Variants in BCO1 observed in about 807,000 individuals in gnomAD.
BCO1 encodes the protein beta,beta-carotene 15,15'-dioxygenase.
In BCO1, 54 loss-of-function variants were observed where a neutral mutation model predicts 56.3. The observed-to-expected ratio is 0.96, with a 90% CI of 0.77 to 1.20. The LOEUF is 1.20. Ranked by LOEUF, BCO1 falls within the 50% of genes most tolerant of loss-of-function variation. BCO1 has a pLI of 0.00. For synonymous variants in BCO1, 318 were observed against 266.1 expected (o/e 1.20, Z -1.90); for missense variants, 801 against 690.9 (o/e 1.16, Z -1.79).
At position 81,249,092 on chromosome 16, in the gene BCO1, C is replaced by CTTTT. The variant is rs546566864; in HGVS notation, c.193+3502_193+3505dup. On this transcript the variant is annotated intron_variant, in intron 2 of 10. Coordinates refer to ENST00000258168, the MANE Select transcript of BCO1 (RefSeq NM_017429.3). ...CAGCTCCTCCATGGTCTCTTTCTTT[C>CTTTT]TTTTTTTTTTTTTTTTGAGATGGAG... Among the ~76,000 whole-genome samples, 930 of 133,416 alleles carry CTTTT rather than the reference C, an allele frequency of 7.0e-3. 17 individuals are homozygous for CTTTT. The highest frequency in any genetic ancestry group is 0.017 in the Middle Eastern group (4 of 240). 87.5% of individuals were successfully genotyped at this position (133,416 alleles called of 152,430 possible).
chr16:81,242,766 C>G (rs1040464588), intron 1 of BCO1, among the ~76,000 whole-genome samples: 1 of 152,100 alleles, frequency 6.6e-6, no homozygotes, highest in African/African-American at 2.4e-5. Context: ...TGGACCAGTA[C>G]CAGTCTGTAG....
intron 8 of BCO1, among the ~76,000 whole-genome samples, chr16:81,282,449 A>C (rs1907936660): frequency 6.6e-6 from 1 of 152,176 alleles, no homozygotes. Context: ...GCCCCATGCC[A>C]GGAGGTTTGG....
At chr16:81,268,461 C>T (rs1428300511) in intron 6 of BCO1, among the ~76,000 whole-genome samples, 2 of 152,188 alleles carry the variant, frequency 1.3e-5, no homozygotes, top group African/African-American at 4.8e-5. Flanking sequence ...TGGGCTCCTC[C>T]CCACCTCCGC....
intron 1 of BCO1, among the ~76,000 whole-genome samples, chr16:81,243,909 G>C (rs1256540439): frequency 1.3e-5 from 2 of 152,212 alleles, no homozygotes; most frequent in Admixed American, 1.3e-4. Context: ...GGGCATTGTC[G>C]AGCCATTGGC....
intron 7 of BCO1, among the ~76,000 whole-genome samples, chr16:81,277,065 CAAAAAAA>C (rs34671497): frequency 1.0e-5 from 1 of 95,376 alleles, no homozygotes; most frequent in Non-Finnish European, 2.1e-5. Flanking sequence ...GACTCGGTCT[CAAAAAAA>C]AAAAAAAAAA....
At chr16:81,258,654 C>T (rs1444619960) in intron 2 of BCO1, among the ~76,000 whole-genome samples, 1 of 152,144 alleles carries the variant, frequency 6.6e-6, no homozygotes, top group African/African-American at 2.4e-5. Context: ...TGACCCTGGG[C>T]AAGGTGAAAG....
At chr16:81,272,270 C>T (rs922546352) in intron 7 of BCO1, among the ~76,000 whole-genome samples, 7 of 151,694 alleles carry the variant, frequency 4.6e-5, no homozygotes, top group South Asian at 2.1e-4. Flanking sequence ...CCTGCCACCA[C>T]GCCTGGCTAA....
Position 81,245,557 on chromosome 16 carries a change from T to C in BCO1, c.147T>C (p.His49=). ...CAGTTGGGGAGTCCAGATACAACCA[T>C]TGGTTCGACGGCCTTGCCCTGCTCC... is the stretch of plus-strand genomic sequence containing the variant. ...MHTVGESRYN[H]WFDGLALLHS... is the part of the protein sequence containing the mutation. The change falls in exon 2 of 11, where the codon CAT becomes CAC. Residue 49 remains histidine (H), a synonymous_variant. Coordinates refer to ENST00000258168, the MANE Select transcript of BCO1 (RefSeq NM_017429.3). 1.9e-6 allele frequency: 3 copies of C among 1,614,188 alleles called. No individual in the cohort carries two copies. The highest frequency in any genetic ancestry group is 1.1e-5 in the South Asian group (1 of 91,082).
At chr16:81,289,371 G>A (rs758419326) in intron 10 of BCO1, among the ~76,000 whole-genome samples, 4 of 152,140 alleles carry the variant, frequency 2.6e-5, no homozygotes, top group African/African-American at 4.8e-5. Flanking sequence ...AGCCAGGTGC[G>A]GTGGTTCATG....
At chr16:81,272,650 GACTT>G (rs1165612287) in intron 7 of BCO1, among the ~76,000 whole-genome samples, 2 of 152,202 alleles carry the variant, frequency 1.3e-5, no homozygotes, top group Non-Finnish European at 2.9e-5. Context: ...TACTTACAGA[GACTT>G]ACAAAGGCTT....
chr16:81,278,713 GC>G (rs1907697532), intron 7 of BCO1, among the ~76,000 whole-genome samples: 1 of 152,114 alleles, frequency 6.6e-6, no homozygotes, highest in Non-Finnish European at 1.5e-5. Context: ...CAGCCTCAGG[GC>G]CTTTGCACTG....
chr16:81,246,749 G>T (rs758112900), intron 2 of BCO1, among the ~76,000 whole-genome samples: 2 of 151,464 alleles, frequency 1.3e-5, no homozygotes, highest in East Asian at 1.9e-4. Flanking sequence ...TACTAGGGAG[G>T]CTGAGGCACG....
At chr16:81,267,883 T>C in intron 5 of BCO1, 25 bp from the exon 6 acceptor site, 1 of 1,608,470 alleles carries the variant, frequency 6.2e-7, no homozygotes, top group South Asian at 1.1e-5. Flanking sequence ...GCACAATTCC[T>C]GAGGCTTGCT....
chr16:81,274,079 C>T (rs529774317), intron 7 of BCO1, among the ~76,000 whole-genome samples: 1 of 152,250 alleles, frequency 6.6e-6, no homozygotes, highest in South Asian at 2.1e-4. Context: ...CCAGGAAGTA[C>T]TGAGGAGTAA....
chr16:81,239,891 A>G (rs983782577), intron 1 of BCO1, among the ~76,000 whole-genome samples: 2 of 152,252 alleles, frequency 1.3e-5, no homozygotes, highest in Non-Finnish European at 2.9e-5. Flanking sequence ...CCGGGTCCCC[A>G]GAGTGGTGCT....
intron 1 of BCO1, among the ~76,000 whole-genome samples, chr16:81,243,264 T>C (rs1291034646): frequency 6.6e-6 from 1 of 152,168 alleles, no homozygotes; most frequent in Non-Finnish European, 1.5e-5. Flanking sequence ...AAATATCTGG[T>C]CCTGTCCTTC....
chr16:81,258,893 C>T (rs887916733), intron 2 of BCO1, among the ~76,000 whole-genome samples: 3 of 152,056 alleles, frequency 2.0e-5, no homozygotes, highest in Non-Finnish European at 2.9e-5. Context: ...AAAGCTTTGG[C>T]TCATGGCAGA....
intron 7 of BCO1, among the ~76,000 whole-genome samples, chr16:81,273,739 A>G (rs1445906904): frequency 6.6e-6 from 1 of 152,082 alleles, no homozygotes; most frequent in Non-Finnish European, 1.5e-5. Context: ...TGCTGCACAG[A>G]GAAGACAAGC....
intron 2 of BCO1, among the ~76,000 whole-genome samples, chr16:81,248,127 C>T (rs1037657679): frequency 4.6e-5 from 7 of 152,078 alleles, no homozygotes; most frequent in South Asian, 2.1e-4. Context: ...ACTGGCCAGT[C>T]GCGATGGCTC....
Sources: allele counts gnomAD v4.1 joint callset (sites outside exome capture counted in the v4.1 genomes callset), GRCh38; gene constraint gnomAD v4.1.1; transcripts MANE v1.5; gene names NCBI Gene and HGNC (gene_info 2026-07-23, HGNC 2026-07-21).